Variants in DDX60L observed in about 807,000 individuals in gnomAD.
DDX60L encodes DExD/H-box 60 like, also known as probable ATP-dependent RNA helicase DDX60-like.
A neutral mutation model predicts 211.6 loss-of-function variants in DDX60L; 191 were observed. That is an observed-to-expected ratio of 0.90 (90% CI 0.80 to 1.02). The LOEUF is 1.02. Among genes scored for constraint, DDX60L ranks in the 50% least tolerant of loss-of-function variants. The pLI is 0.00. For synonymous variants in DDX60L, 706 were observed against 694.1 expected, an observed-to-expected ratio of 1.02 and a Z score of -0.27; for missense variants, 2,007 against 1,984.1, an observed-to-expected ratio of 1.01 and a Z score of -0.22.
At chr4:168,402,097 C>T (rs140117405) in intron 25 of DDX60L, among the ~76,000 whole-genome samples, 245 of 149,650 alleles carry the variant, frequency 1.6e-3, no homozygotes, top group African/African-American at 5.3e-3. Context: ...GATTAGAACC[C>T]GGGCAACTCA....
intron 4 of DDX60L, among the ~76,000 whole-genome samples, chr4:168,462,761 C>T (rs1002375911): frequency 2.0e-5 from 3 of 151,924 alleles, no homozygotes; most frequent in Non-Finnish European, 1.5e-5. Context: ...TGCAGTGAGC[C>T]GAGATCATGC....
At chr4:168,457,818 G>T in intron 6 of DDX60L, 74 bp downstream of exon 6, 1 of 885,952 alleles carries the variant, frequency 1.1e-6, no homozygotes, top group Middle Eastern at 3.5e-4. Flanking sequence ...TCTAAGGACT[G>T]AACTAATCAC....
chr4:168,446,325 G>T (rs1754789446), intron 9 of DDX60L, among the ~76,000 whole-genome samples: 1 of 152,094 alleles, frequency 6.6e-6, no homozygotes, highest in Non-Finnish European at 1.5e-5. Context: ...ACTTACAAAG[G>T]ATGTGAAGGA....
intron 27 of DDX60L, among the ~76,000 whole-genome samples, 188 bp from the exon 28 acceptor site, chr4:168,394,805 T>A (rs1013637785): frequency 6.6e-6 from 1 of 152,218 alleles, no homozygotes; most frequent in African/African-American, 2.4e-5. Flanking sequence ...GAACAGACTC[T>A]CTCAGAAAAG....
At chr4:168,404,930 T>A (rs1459481503) in intron 24 of DDX60L, among the ~76,000 whole-genome samples, 2 of 152,180 alleles carry the variant, frequency 1.3e-5, no homozygotes, top group Admixed American at 1.3e-4. Context: ...TATTCAGTTT[T>A]CCCCTGATTA....
At chr4:168,422,707 C>T (rs1250932575) in intron 15 of DDX60L, 37 bp from the exon 16 acceptor site, 21 of 1,441,308 alleles carry the variant, frequency 1.5e-5, no homozygotes, top group Non-Finnish European at 2.0e-5. Flanking sequence ...TCAACTTAAA[C>T]TTCAAAATTG....
At chr4:168,369,374 G>A (rs1047402592) in intron 36 of DDX60L, among the ~76,000 whole-genome samples, 1 of 152,074 alleles carries the variant, frequency 6.6e-6, no homozygotes, top group African/African-American at 2.4e-5. Flanking sequence ...ATGATTGTGA[G>A]GTTGCGGAAC....
At position 168,472,729 on chromosome 4, in the gene DDX60L, A is replaced by T; in HGVS notation, c.-30T>A. ...GCTGCTTCTTGGGCTACAGGGTAGA[A>T]GAGTAGAGCTGGAATTTATTAAATA... On this transcript the variant is annotated 5_prime_UTR_variant, in exon 2 of 38. Transcript: ENST00000682922. The T allele has an allele frequency of 6.2e-7, 1 of 1,610,272 alleles. No homozygotes were observed. The highest frequency in any genetic ancestry group is 1.1e-5 in the South Asian group (1 of 89,960).
chr4:168,454,758 CTT>C (rs767461447), intron 7 of DDX60L, among the ~76,000 whole-genome samples: 14,219 of 88,460 alleles, frequency 0.16, 1,679 homozygotes, highest in Non-Finnish European at 0.21. Flanking sequence ...AAACAGCTTC[CTT>C]TTTTTTTTTT....
chr4:168,457,411 C>A (rs1756730631), intron 6 of DDX60L, among the ~76,000 whole-genome samples: 1 of 147,742 alleles, frequency 6.8e-6, no homozygotes, highest in Non-Finnish European at 1.5e-5. Context: ...TCCAAACTTT[C>A]TTATGCAACC....
At chr4:168,469,453 T>G (rs1048604624) in intron 4 of DDX60L, 1 of 152,068 alleles carries the variant, frequency 6.6e-6, no homozygotes, top group Non-Finnish European at 1.5e-5. Context: ...TTAATAAATA[T>G]AGGAAAATAT....
intron 22 of DDX60L, among the ~76,000 whole-genome samples, chr4:168,412,990 T>A (rs1354776660): frequency 2.6e-5 from 4 of 152,254 alleles, no homozygotes; most frequent in Non-Finnish European, 5.9e-5. Flanking sequence ...CCAGTGCAGA[T>A]AATGGCTGCA....
chr4:168,472,084 T>C (rs1356016599), intron 3 of DDX60L, 148 bp from the exon 4 acceptor site: 1 of 634,044 alleles, frequency 1.6e-6, no homozygotes. Context: ...TTTAAGCAAC[T>C]GTCCTTTATA....
In DDX60L at chr4:168,453,284, T is replaced by G; in HGVS notation, c.838-2A>C. The G allele has an allele frequency of 6.2e-7, 1 of 1,607,688 alleles. No homozygotes were observed. The highest frequency in any genetic ancestry group is 1.1e-5 in the South Asian group (1 of 89,752). ...CAGGGATAGGCAATTACTGTGCACC[T>G]GCGTACAATAAAGAAGATGAGAACA... On this transcript the variant is annotated splice_acceptor_variant, in intron 7 of 37. Coordinates refer to ENST00000682922, the MANE Select transcript of DDX60L (RefSeq NM_001012967.3). LOFTEE classifies it high-confidence loss of function.
At chr4:168,472,910 T>G in intron 1 of DDX60L, 101 bp from the exon 2 acceptor site, 1 of 559,398 alleles carries the variant, frequency 1.8e-6, no homozygotes, top group South Asian at 2.5e-5. Context: ...GTCTAGTAAA[T>G]AAGCAAAGAT....
intron 10 of DDX60L, 43 bp from the exon 11 acceptor site, chr4:168,433,158 T>C (rs1752594291): frequency 7.9e-7 from 1 of 1,262,008 alleles, no homozygotes; most frequent in Middle Eastern, 1.9e-4. Context: ...AAGGTGTAAC[T>C]ATCCTATATG....
At chr4:168,369,993 A>G (rs1439276382) in intron 36 of DDX60L, among the ~76,000 whole-genome samples, 1 of 152,170 alleles carries the variant, frequency 6.6e-6, no homozygotes, top group Non-Finnish European at 1.5e-5. Context: ...GAGTATATCC[A>G]TTATGGAAAA....
At chr4:168,381,409 G>A (rs1742931313) in intron 30 of DDX60L, among the ~76,000 whole-genome samples, 1 of 151,972 alleles carries the variant, frequency 6.6e-6, no homozygotes, top group Admixed American at 6.6e-5. Context: ...AAATAGCTGG[G>A]ACTACAGGTA....
intron 10 of DDX60L, among the ~76,000 whole-genome samples, chr4:168,433,577 A>G (rs1752647329): frequency 6.6e-6 from 1 of 152,202 alleles, no homozygotes; most frequent in Non-Finnish European, 1.5e-5. Flanking sequence ...GCCTTCTTTA[A>G]TTTCTATTTT....
Sources: allele counts gnomAD v4.1 joint callset (sites outside exome capture counted in the v4.1 genomes callset), GRCh38; gene constraint gnomAD v4.1.1; transcripts MANE v1.5; gene names NCBI Gene and HGNC (gene_info 2026-07-23, HGNC 2026-07-21).